The following ZNF385D variants were observed in gnomAD, a reference collection of about 807,000 sequenced individuals.
The protein encoded by ZNF385D is zinc finger protein 659.
A neutral mutation model predicts 35.8 loss-of-function variants in ZNF385D; 15 were observed. The ratio of observed to expected loss-of-function variants is 0.42; its 90% CI spans 0.28 to 0.64. ZNF385D has a LOEUF of 0.64. Among genes scored for constraint, ZNF385D ranks in the 30% least tolerant of loss-of-function variants. The pLI is 0.23. For synonymous variants in ZNF385D, 212 were observed against 186.8 expected (o/e 1.13, Z -1.10); for missense variants, 474 against 494.6 (o/e 0.96, Z 0.39).
chr3:21,571,884 C>T (rs370785498), intron 2 of ZNF385D, among the ~76,000 whole-genome samples: 8 of 152,132 alleles, frequency 5.3e-5, no homozygotes, highest in African/African-American at 1.7e-4. Flanking sequence ...CACGTCTTCT[C>T]CCCATGGAAT....
chr3:21,471,792 C>T (rs1341090257), intron 4 of ZNF385D, among the ~76,000 whole-genome samples: 1 of 152,060 alleles, frequency 6.6e-6, no homozygotes, highest in Non-Finnish European at 1.5e-5. Flanking sequence ...TTTACAGGGT[C>T]TTTCTGAATA....
At chr3:21,470,394 A>G (rs1203121309) in intron 4 of ZNF385D, among the ~76,000 whole-genome samples, 5 of 152,168 alleles carry the variant, frequency 3.3e-5, no homozygotes, top group African/African-American at 1.2e-4. Context: ...TATTCTGCCT[A>G]CATTGTCCCC....
intron 2 of ZNF385D, among the ~76,000 whole-genome samples, chr3:22,249,187 G>A (rs1199782473): frequency 2.0e-5 from 3 of 152,084 alleles, no homozygotes; most frequent in Non-Finnish European, 4.4e-5. Flanking sequence ...TTAATTCTTA[G>A]CATCCATGAG....
At chr3:21,845,397 T>C (rs1256750702) in intron 3 of ZNF385D, among the ~76,000 whole-genome samples, 1 of 152,022 alleles carries the variant, frequency 6.6e-6, no homozygotes, top group Non-Finnish European at 1.5e-5. Flanking sequence ...CGACTAACGC[T>C]ATTATATTTT....
At chr3:21,657,046 A>G (rs2066092838) in intron 2 of ZNF385D, among the ~76,000 whole-genome samples, 1 of 151,898 alleles carries the variant, frequency 6.6e-6, no homozygotes, top group Admixed American at 6.6e-5. Flanking sequence ...CATAAAGGAT[A>G]TCTATATATA....
chr3:22,087,572 T>C (rs147610745), intron 3 of ZNF385D, among the ~76,000 whole-genome samples: 2 of 152,254 alleles, frequency 1.3e-5, no homozygotes, highest in East Asian at 1.9e-4. Context: ...GAGGTGGAAA[T>C]TAGTTATTAG....
At chr3:21,823,833 CT>C (rs1484017831) in intron 3 of ZNF385D, among the ~76,000 whole-genome samples, 1 of 152,156 alleles carries the variant, frequency 6.6e-6, no homozygotes, top group African/African-American at 2.4e-5. Context: ...AAGAAAAAAT[CT>C]GCCTGTATAA....
chr3:22,171,333 G>A (rs1299662685), intron 2 of ZNF385D, among the ~76,000 whole-genome samples: 1 of 152,120 alleles, frequency 6.6e-6, no homozygotes, highest in African/African-American at 2.4e-5. Context: ...ATAAGAACAT[G>A]TGCTAACAAT....
intron 3 of ZNF385D, among the ~76,000 whole-genome samples, chr3:21,778,732 A>C (rs1331585236): frequency 6.6e-6 from 1 of 152,016 alleles, no homozygotes; most frequent in Non-Finnish European, 1.5e-5. Flanking sequence ...ATCCAAATAG[A>C]AATTCCCCAA....
intron 1 of ZNF385D, among the ~76,000 whole-genome samples, chr3:21,730,487 C>T (rs10510517): frequency 0.016 from 2,365 of 152,320 alleles, 64 homozygotes; most frequent in African/African-American, 0.054. Context: ...TGCCAGATAA[C>T]TAACCCTTGA....
chr3:22,267,399 T>A (rs902384148), intron 2 of ZNF385D, among the ~76,000 whole-genome samples: 1 of 151,836 alleles, frequency 6.6e-6, no homozygotes, highest in East Asian at 1.9e-4. Context: ...AAACTACATA[T>A]TTAGATGCTT....
chr3:21,959,733 G>A (rs1702479138), intron 3 of ZNF385D, among the ~76,000 whole-genome samples: 1 of 152,094 alleles, frequency 6.6e-6, no homozygotes, highest in East Asian at 1.9e-4. Context: ...AAACAAGAAG[G>A]ATCTAGGAAG....
intron 3 of ZNF385D, among the ~76,000 whole-genome samples, chr3:21,938,151 A>G (rs1701349925): frequency 6.6e-6 from 1 of 152,216 alleles, no homozygotes; most frequent in South Asian, 2.1e-4. Context: ...TTCTTCACCA[A>G]ACTAGGATTT....
At chr3:21,476,526 T>C (rs1438526504) in intron 4 of ZNF385D, among the ~76,000 whole-genome samples, 2 of 152,042 alleles carry the variant, frequency 1.3e-5, no homozygotes, top group African/African-American at 2.4e-5. Flanking sequence ...GTTTGAATTA[T>C]GTCATGAAGA....
intron 2 of ZNF385D, among the ~76,000 whole-genome samples, chr3:22,238,743 T>C (rs939702216): frequency 6.7e-6 from 1 of 149,990 alleles, no homozygotes; most frequent in African/African-American, 2.5e-5. Flanking sequence ...TATATATAGA[T>C]TTTTTTTTAG....
rs570788157 is a variant in ZNF385D at position 21,916,682 on chromosome 3, T to C, written c.326-251654A>G. On this transcript the variant is annotated intron_variant, in intron 3 of 5. Transcript: ENST00000494108. ...AGTAAACATTCTCTACAAAAGACAC[T>C]TGAATTAATTCATACTAAATTTTGG... is the stretch of plus-strand genomic sequence containing the variant. Among the ~76,000 whole-genome samples the C allele has an allele frequency of 4.4e-4, 67 of 152,346 alleles. No individual in the cohort carries two copies. The South Asian group carries it at 0.013, about 29-fold the overall frequency.
At chr3:22,101,541 C>A (rs116867353) in intron 3 of ZNF385D, among the ~76,000 whole-genome samples, 1 of 152,058 alleles carries the variant, frequency 6.6e-6, no homozygotes, top group Non-Finnish European at 1.5e-5. Flanking sequence ...CATATTATTA[C>A]ACCCACACTG....
At chr3:21,895,494 A>ATT (rs1221696542) in intron 3 of ZNF385D, among the ~76,000 whole-genome samples, 20 of 131,468 alleles carry the variant, frequency 1.5e-4, no homozygotes, top group African/African-American at 2.0e-4. Context: ...TGCCTGGCTA[A>ATT]TTTTTTTTTT....
At chr3:21,985,399 G>A (rs1488308032) in intron 3 of ZNF385D, among the ~76,000 whole-genome samples, 2 of 116,298 alleles carry the variant, frequency 1.7e-5, no homozygotes, top group Admixed American at 1.6e-4. Context: ...TTTGTCAAAG[G>A]CTTTTTCTGC....
Sources: gnomAD v4.1 joint callset for allele counts (sites outside exome capture counted in the v4.1 genomes callset) on GRCh38, gnomAD v4.1.1 for gene constraint, MANE v1.5 for transcripts, NCBI Gene and HGNC (gene_info 2026-07-23, HGNC 2026-07-21) for gene names.